ZIM2: variants seen among roughly 807,000 people sequenced by gnomAD.
ZIM2 encodes zinc finger imprinted 2.
A neutral mutation model predicts 38.6 loss-of-function variants in ZIM2; 14 were observed. The observed-to-expected ratio is 0.36, with a 90% confidence interval of 0.24 to 0.57. ZIM2 has a LOEUF of 0.57. Ranked by LOEUF, ZIM2 falls within the 20% of genes least tolerant of loss-of-function variation. ZIM2 has a pLI of 0.81. For synonymous variants in ZIM2, 247 were observed against 245.8 expected (o/e 1.00, Z -0.04); for missense variants, 680 against 695.1 (o/e 0.98, Z 0.24).
intron 5 of ZIM2, among the ~76,000 whole-genome samples, chr19:56,823,289 T>A (rs2060678648): frequency 6.6e-6 from 1 of 152,208 alleles, no homozygotes; most frequent in Admixed American, 6.5e-5. Flanking sequence ...CACTGAAGCA[T>A]CTTTAATGAA....
rs1014214343 is a variant in ZIM2, at chr19:56,814,584, G to A, written c.490+3162C>T. 1.9e-6 allele frequency: 3 copies of A among 1,614,026 alleles called. No individual in the cohort carries two copies. The highest frequency in any genetic ancestry group is 1.7e-5 in the Admixed American group (1 of 60,012). On this transcript the variant is annotated intron_variant, in intron 9 of 12. Coordinates refer to ENST00000629319, the MANE Select transcript of ZIM2 (RefSeq NM_001387356.1). The surrounding 1 kb of genome is among the most constrained non-coding windows in gnomAD (Gnocchi z 5.8). ...CTGGGTTGACGAAAGATTCTCCACAGACTGCACATTCAAAGAGTCTCTCTT... is the reference window on the plus strand; with the variant it reads ...CTGGGTTGACGAAAGATTCTCCACAAACTGCACATTCAAAGAGTCTCTCTT...
At chr19:56,798,756 A>C (rs1039914071) in intron 9 of ZIM2, 1 of 152,162 alleles carries the variant, frequency 6.6e-6, no homozygotes, top group Non-Finnish European at 1.5e-5. Flanking sequence ...AACTTAAACA[A>C]ATTTACAAGA....
At chr19:56,813,235 G>A in intron 9 of ZIM2, 1 of 979,792 alleles carries the variant, frequency 1.0e-6, no homozygotes, top group Non-Finnish European at 1.2e-6. Flanking sequence ...TACCAGGTAA[G>A]GTACCTCTGC....
At chr19:56,817,339 C>T in intron 9 of ZIM2, 2 of 1,614,058 alleles carry the variant, frequency 1.2e-6, no homozygotes, top group Non-Finnish European at 1.7e-6. Flanking sequence ...AAATGCATTC[C>T]CTTCATAAAC....
At chr19:56,833,128 T>A (rs760494732) in intron 2 of ZIM2, 3 of 516,350 alleles carry the variant, frequency 5.8e-6, no homozygotes, top group South Asian at 4.2e-5. Flanking sequence ...TGGGACCATG[T>A]GTGAGAAGAA....
chr19:56,801,172 G>A (rs1358287734), intron 9 of ZIM2, among the ~76,000 whole-genome samples: 9 of 152,046 alleles, frequency 5.9e-5, no homozygotes, highest in South Asian at 2.1e-4. Flanking sequence ...TCCTGACCTC[G>A]TGATCCACCT....
chr19:56,816,536 A>G lies in ZIM2; in HGVS notation c.490+1210T>C, dbSNP rs570856194. On this transcript the variant is annotated intron_variant, in intron 9 of 12. Transcript: ENST00000629319. ...TCTTTCAGGGATGAGCTATGAAGGA[A>G]AGTCTCCCCACACACCTTACATTCG... is the stretch of plus-strand genomic sequence containing the variant. 2.5e-6 allele frequency: 4 copies of G among 1,613,812 alleles called. No individual in the cohort carries two copies. In the East Asian group the frequency reaches 8.9e-5, roughly 36 times the overall value.
At position 56,822,741 on chromosome 19, in the gene ZIM2, G is replaced by T. The variant is rs1382128119; in HGVS notation, c.190+12C>A. The T allele has an allele frequency of 3.7e-6, 6 of 1,613,696 alleles. No individual in the cohort carries two copies. Among genetic ancestry groups the T allele is most frequent in the Admixed American group, 3.3e-5 (2 of 59,974 alleles). On this transcript the variant is annotated intron_variant, in intron 6 of 12. Coordinates refer to ENST00000629319, the MANE Select transcript of ZIM2 (RefSeq NM_001387356.1). ...ATATCTCCTACTGGGAAAGAAAGTG[G>T]TTAAGACTCACTGCTTCTTGGGTTC...
chr19:56,829,344 A>C (rs1262601894), intron 2 of ZIM2, among the ~76,000 whole-genome samples: 1 of 85,590 alleles, frequency 1.2e-5, no homozygotes, highest in South Asian at 3.8e-4. Context: ...ACTCCATCTC[A>C]AAAAAAAAAA....
At chr19:56,808,576 G>GCTTCTTCATCACTCCTGC in intron 9 of ZIM2, among the ~76,000 whole-genome samples, 1 of 151,742 alleles carries the variant, frequency 6.6e-6, no homozygotes, top group South Asian at 2.1e-4. Flanking sequence ...ACCAGTCCTG[G>GCTTCTTCATCACTCCTGC]CTTCTTCATC....
At chr19:56,817,159 A>AGTG (rs2060052586) in intron 9 of ZIM2, 1 of 1,614,064 alleles carries the variant, frequency 6.2e-7, no homozygotes, top group South Asian at 1.1e-5. Flanking sequence ...CAGGCTGCTC[A>AGTG]CGCTCATGGC....
rs563041943 is a variant in ZIM2 at position 56,834,922 on chromosome 19, G to A, written c.-227+1096C>T. On this transcript the variant is annotated intron_variant, in intron 2 of 12. Coordinates refer to ENST00000629319, the MANE Select transcript of ZIM2 (RefSeq NM_001387356.1). Reference sequence around the variant, plus strand: ...CTGGCATGATCCTGTCCTGGATCAGGCCCAGTATCAATGCTTGCTAACAAA... The same window carrying A: ...CTGGCATGATCCTGTCCTGGATCAGACCCAGTATCAATGCTTGCTAACAAA... Among the ~76,000 whole-genome samples the A allele has an allele frequency of 2.2e-4, 33 of 152,256 alleles. No homozygotes were observed. In the South Asian group the frequency reaches 6.4e-3, roughly 30 times the overall value.
intron 3 of ZIM2, chr19:56,824,692 T>C (rs2060851203): frequency 1.3e-6 from 2 of 1,568,290 alleles, no homozygotes; most frequent in South Asian, 1.2e-5. Context: ...GAACCAAACA[T>C]GAGTCAACAG....
intron 11 of ZIM2, among the ~76,000 whole-genome samples, chr19:56,780,742 T>A (rs578078240): frequency 6.6e-6 from 1 of 152,292 alleles, no homozygotes; most frequent in South Asian, 2.1e-4. Context: ...AATGGAAGAA[T>A]AACAAGATAG....
chr19:56,780,203 A>C (rs976447974), intron 11 of ZIM2, among the ~76,000 whole-genome samples: 5 of 150,404 alleles, frequency 3.3e-5, no homozygotes, highest in Admixed American at 3.3e-4. Context: ...TTTTCTTTAG[A>C]TCACCTTTCT....
intron 1 of ZIM2, among the ~76,000 whole-genome samples, chr19:56,836,439 G>C (rs1347206336): frequency 6.6e-6 from 1 of 152,126 alleles, no homozygotes; most frequent in Non-Finnish European, 1.5e-5. Flanking sequence ...CCCATGTTAG[G>C]ACCGCTATCC....
intron 12 of ZIM2, among the ~76,000 whole-genome samples, chr19:56,775,763 G>C (rs1267707296): frequency 1.3e-5 from 2 of 152,056 alleles, no homozygotes; most frequent in African/African-American, 4.8e-5. Context: ...TGGAGGTTGA[G>C]AGAGTTTTCT....
At chr19:56,811,315 T>A (rs2146080134) in intron 9 of ZIM2, 1 of 906,506 alleles carries the variant, frequency 1.1e-6, no homozygotes, top group African/African-American at 1.8e-5. Context: ...TATAATGAAC[T>A]GTTTAAATGA....
chr19:56,814,237 G>A lies in ZIM2; in HGVS notation c.490+3509C>T. On this transcript the variant is annotated intron_variant, in intron 9 of 12. Transcript: ENST00000629319. The surrounding 1 kb of genome is among the most constrained non-coding windows in gnomAD (Gnocchi z 5.8). ...CTCAGCAGCCTCCACTTCTGGCTCG[G>A]CAGCCTCCACTTCTGGCTCAGCAGC... The A allele has an allele frequency of 6.2e-7, 1 of 1,613,154 alleles. No homozygotes were observed.
Sources: allele counts gnomAD v4.1 joint callset (sites outside exome capture counted in the v4.1 genomes callset), GRCh38; gene constraint gnomAD v4.1.1; non-coding constraint Gnocchi (gnomAD v3.1); transcripts MANE v1.5; gene names NCBI Gene and HGNC (gene_info 2026-07-23, HGNC 2026-07-21).